The following DCBLD2 variants were observed in gnomAD, a reference collection of about 807,000 sequenced individuals.
DCBLD2 encodes the protein discoidin, CUB and LCCL domain-containing protein 2.
DCBLD2 carries 54 observed loss-of-function variants against 86.8 expected under a neutral mutation model. That is an observed-to-expected ratio of 0.62 (90% CI 0.50 to 0.78). The LOEUF (loss-of-function observed/expected upper bound fraction) is 0.78. DCBLD2 is among the 30% of genes least tolerant of loss of function. The pLI is 0.00. For synonymous variants in DCBLD2, 354 were observed against 341.3 expected, an observed-to-expected ratio of 1.04 and a Z score of -0.41; for missense variants, 908 against 954.2, an observed-to-expected ratio of 0.95 and a Z score of 0.64.
At position 98,901,542 on chromosome 3, in the gene DCBLD2, G is replaced by C. The variant is rs923451014; in HGVS notation, c.-216C>G. On this transcript the variant is annotated 5_prime_UTR_variant, in exon 1 of 16. Transcript: ENST00000326840. ...CTCCCCGCGCCGAGACCCCAGGCCG[G>C]AGCGCAGGGGAGGGGAGGGAAGGAA... The C allele has an allele frequency of 6.0e-5, 23 of 384,864 alleles. No homozygotes were observed. The highest frequency in any genetic ancestry group is 1.3e-4 in the South Asian group (1 of 7,704). The allele number at this position is 384,864 out of a possible 1,614,324, so 23.8% of individuals were successfully genotyped here.
chr3:98,886,579 C>T (rs1200501095), intron 1 of DCBLD2, among the ~76,000 whole-genome samples: 1 of 152,040 alleles, frequency 6.6e-6, no homozygotes, highest in African/African-American at 2.4e-5. Context: ...ACATGTTCTC[C>T]ACCAGACTAT....
chr3:98,848,524 T>C (rs920181367), intron 3 of DCBLD2, among the ~76,000 whole-genome samples: 2 of 152,222 alleles, frequency 1.3e-5, no homozygotes, highest in Non-Finnish European at 2.9e-5. Flanking sequence ...TTTCTGTCTT[T>C]AGGTCTTTGA....
At chr3:98,806,655 C>T (rs1294611292) in intron 13 of DCBLD2, among the ~76,000 whole-genome samples, 1 of 152,140 alleles carries the variant, frequency 6.6e-6, no homozygotes, top group Non-Finnish European at 1.5e-5. Context: ...CAGCACATGG[C>T]TCAATACTTG....
At chr3:98,839,128 T>TTTCCTTCCTTCC (rs201694422) in intron 3 of DCBLD2, among the ~76,000 whole-genome samples, 1 of 91,838 alleles carries the variant, frequency 1.1e-5, no homozygotes, top group African/African-American at 4.9e-5. Context: ...TTTTTCTTTC[T>TTTCCTTCCTTCC]TTCCTTCCTT....
At chr3:98,858,622 G>A (rs1942981283) in intron 2 of DCBLD2, among the ~76,000 whole-genome samples, 1 of 152,210 alleles carries the variant, frequency 6.6e-6, no homozygotes, top group Admixed American at 6.5e-5. Flanking sequence ...GACACAGAAA[G>A]AGAAAATACC....
intron 3 of DCBLD2, 91 bp from the exon 4 acceptor site, chr3:98,825,457 C>A: frequency 1.0e-6 from 1 of 1,004,528 alleles, no homozygotes; most frequent in South Asian, 1.7e-5. Context: ...AACTGTACTA[C>A]TCTAATTTTC....
intron 6 of DCBLD2, 85 bp from the exon 7 acceptor site, chr3:98,820,373 T>C (rs1235298730): frequency 2.9e-5 from 30 of 1,030,404 alleles, no homozygotes; most frequent in Non-Finnish European, 1.9e-5. Context: ...TTTGATTTGG[T>C]TCCCCCCACC....
intron 13 of DCBLD2, among the ~76,000 whole-genome samples, chr3:98,806,465 T>C (rs1249789807): frequency 2.0e-5 from 3 of 152,142 alleles, no homozygotes; most frequent in Non-Finnish European, 2.9e-5. Context: ...AGTCCTTTCC[T>C]TTCCCTATTG....
intron 9 of DCBLD2, among the ~76,000 whole-genome samples, chr3:98,816,730 A>T (rs925623307): frequency 2.0e-5 from 3 of 152,216 alleles, no homozygotes; most frequent in Non-Finnish European, 4.4e-5. Flanking sequence ...AAAAATATAT[A>T]ATCAAAATCA....
At chr3:98,809,426 C>T (rs1176426021) in intron 12 of DCBLD2, among the ~76,000 whole-genome samples, 1 of 152,012 alleles carries the variant, frequency 6.6e-6, no homozygotes, top group Non-Finnish European at 1.5e-5. Flanking sequence ...GATTGGGTCC[C>T]TGAGAGGTAG....
chr3:98,821,907 G>A (rs369501912), intron 6 of DCBLD2, among the ~76,000 whole-genome samples: 6 of 152,076 alleles, frequency 3.9e-5, no homozygotes, highest in Non-Finnish European at 5.9e-5. Flanking sequence ...TTAGCCAGGC[G>A]TGGTGCCACA....
At chr3:98,831,808 G>A (rs1441503419) in intron 3 of DCBLD2, among the ~76,000 whole-genome samples, 2 of 152,106 alleles carry the variant, frequency 1.3e-5, no homozygotes, top group African/African-American at 4.8e-5. Flanking sequence ...GTCTGAGAGT[G>A]TGTCTGGTAT....
rs1010944678 is a variant in DCBLD2, at chr3:98,822,313, T to C, written c.745A>G (p.Thr249Ala). 1.2e-6 allele frequency: 2 copies of C among 1,614,004 alleles called. No homozygotes were observed. The highest frequency in any genetic ancestry group is 2.2e-5 in the South Asian group (2 of 91,086). Residue 249 changes from threonine to alanine, a missense_variant, in exon 6 of 16, where the codon ACG becomes GCG. Transcript: ENST00000326840. ...AGVHAGVVSNTLGGQISVVIS... is the reference protein window; with the variant it reads ...AGVHAGVVSNALGGQISVVIS... ...ACAACACTGATTTGGCCGCCCAACG[T>C]GTTTGACACTACTCCTGCATGCACA...
At chr3:98,849,405 A>AT (rs747897448) in intron 3 of DCBLD2, 56 bp downstream of exon 3, 5 of 1,608,338 alleles carry the variant, frequency 3.1e-6, no homozygotes, top group Non-Finnish European at 4.3e-6. Context: ...AAAGCATTTT[A>AT]TTTTTGTTGT....
chr3:98,833,554 T>G (rs1044326600), intron 3 of DCBLD2, among the ~76,000 whole-genome samples: 2 of 152,218 alleles, frequency 1.3e-5, no homozygotes, highest in African/African-American at 4.8e-5. Flanking sequence ...CTTTCTCATC[T>G]CTCTGTGTGG....
chr3:98,875,745 C>T lies in DCBLD2; in HGVS notation c.433+5795G>A, dbSNP rs543508055. Among the ~76,000 whole-genome samples the T allele has an allele frequency of 5.3e-5, 8 of 152,186 alleles. No homozygotes were observed. The East Asian group carries it at 1.5e-3, about 29-fold the overall frequency. On this transcript the variant is annotated intron_variant, in intron 2 of 15. Transcript: ENST00000326840. The stretch of plus-strand genomic sequence containing the variant: ...GTGCAACCCAAAGTCCAGAAATAGA[C>T]CCAAGCACATACAGAACTGCAGTAT...
intron 3 of DCBLD2, among the ~76,000 whole-genome samples, chr3:98,849,181 A>G (rs1479282193): frequency 6.6e-6 from 1 of 152,156 alleles, no homozygotes; most frequent in South Asian, 2.1e-4. Context: ...AAAAAAAAAA[A>G]AAGTTATTAT....
Position 98,825,345 on chromosome 3 carries a change from G to A in DCBLD2, c.593C>T (p.Thr198Ile), listed in dbSNP as rs746072124. ...DKQDLITCLD[T>I]ASNFLEPEFS... ...CTCAGGTTCCAAAAAATTGGATGCA[G>A]TGTCCAAACAAGTAATTAGATCTAG... The change falls in exon 4 of 16, where the codon ACT (threonine) becomes ATT (isoleucine). Residue 198 changes from threonine (T) to isoleucine (I), a missense_variant. By Grantham distance (89) the Thr-to-Ile change is moderately conservative. Transcript: ENST00000326840. 9.0e-6 allele frequency: 14 copies of A among 1,551,994 alleles called. No individual in the cohort carries two copies. In the African/African-American group the frequency reaches 2.0e-4, roughly 22 times the overall value.
intron 2 of DCBLD2, among the ~76,000 whole-genome samples, chr3:98,874,792 C>T (rs993960988): frequency 2.0e-5 from 3 of 152,206 alleles, no homozygotes; most frequent in Non-Finnish European, 4.4e-5. Flanking sequence ...CCTCCAACCT[C>T]GTCATGTGAG....
Sources: allele counts gnomAD v4.1 joint callset (sites outside exome capture counted in the v4.1 genomes callset), GRCh38; gene constraint gnomAD v4.1.1; transcripts MANE v1.5; gene names NCBI Gene and HGNC (gene_info 2026-07-23, HGNC 2026-07-21).